Variants in ADAMTS9 observed in about 807,000 individuals in gnomAD.
ADAMTS9 encodes the protein A disintegrin and metalloproteinase with thrombospondin motifs 9.
A neutral mutation model predicts 257.1 loss-of-function variants in ADAMTS9; 107 were observed. The observed-to-expected ratio is 0.42, with a 90% confidence interval of 0.36 to 0.49. ADAMTS9 has a LOEUF of 0.49. Ranked by LOEUF, ADAMTS9 falls within the 20% of genes least tolerant of loss-of-function variation. The pLI, the probability that ADAMTS9 is intolerant of heterozygous loss-of-function variation, is 0.03. For synonymous variants in ADAMTS9, 982 were observed against 880.9 expected, an observed-to-expected ratio of 1.11 and a Z score of -2.03; for missense variants, 2,353 against 2,469.1, an observed-to-expected ratio of 0.95 and a Z score of 1.00.
intron 3 of ADAMTS9, among the ~76,000 whole-genome samples, chr3:64,674,226 T>C (rs1701568620): frequency 6.6e-6 from 1 of 152,164 alleles, no homozygotes; most frequent in African/African-American, 2.4e-5. Flanking sequence ...AGGTCATTGC[T>C]TATATTGACT....
intron 22 of ADAMTS9, among the ~76,000 whole-genome samples, chr3:64,613,119 C>T (rs924172435): frequency 4.6e-5 from 7 of 152,052 alleles, no homozygotes; most frequent in East Asian, 1.9e-4. Flanking sequence ...AAGATAGGCA[C>T]GTGGGTCTGT....
intron 4 of ADAMTS9, among the ~76,000 whole-genome samples, chr3:64,658,276 TTAAG>T (rs1308334377): frequency 4.6e-5 from 7 of 152,226 alleles, no homozygotes; most frequent in Non-Finnish European, 8.8e-5. Context: ...ATTATACCTT[TTAAG>T]TAAGAAGCAC....
chr3:64,531,309 G>C (rs1427455485), intron 38 of ADAMTS9, among the ~76,000 whole-genome samples: 1 of 152,054 alleles, frequency 6.6e-6, no homozygotes, highest in East Asian at 1.9e-4. Flanking sequence ...ATTTTGATTA[G>C]GTAGAAGTAT....
intron 37 of ADAMTS9, among the ~76,000 whole-genome samples, chr3:64,534,465 G>T (rs1014280972): frequency 6.6e-6 from 1 of 152,196 alleles, no homozygotes; most frequent in African/African-American, 2.4e-5. Flanking sequence ...CTTATTGAGA[G>T]CAGGGCCTTA....
rs769369919 is a variant in ADAMTS9 at position 64,615,496 on chromosome 3, A to AAAAT, written c.3025-15_3025-12dup. ...ACAGCTTTTTGAACACTGTAGGGAC[A>AAAAT]AAATAAATAAATAAAACTGTTGCTA... On this transcript the variant is annotated splice_polypyrimidine_tract_variant and intron_variant, in intron 20 of 39. Coordinates refer to ENST00000498707, the MANE Select transcript of ADAMTS9 (RefSeq NM_182920.2). 2 of 1,593,774 alleles carry AAAAT rather than the reference A, an allele frequency of 1.3e-6. No homozygotes were observed. Among genetic ancestry groups the AAAAT allele is most frequent in the African/African-American group, 1.4e-5 (1 of 73,702 alleles).
chr3:64,649,563 T>C (rs1559810236), intron 10 of ADAMTS9, 74 bp downstream of exon 10: 1 of 1,491,624 alleles, frequency 6.7e-7, no homozygotes, highest in Non-Finnish European at 9.0e-7. Flanking sequence ...CGAGTTAGAA[T>C]GCAATGGAAA....
chr3:64,629,060 C>T (rs1293156002), intron 16 of ADAMTS9, among the ~76,000 whole-genome samples: 1 of 152,160 alleles, frequency 6.6e-6, no homozygotes, highest in Non-Finnish European at 1.5e-5. Context: ...ACCTTTAACT[C>T]ACACACTATG....
In ADAMTS9 at chr3:64,577,674, G is replaced by A. The variant is rs932791855; in HGVS notation, c.4357-9139C>T. On this transcript the variant is annotated intron_variant, in intron 28 of 39. Coordinates refer to ENST00000498707, the MANE Select transcript of ADAMTS9 (RefSeq NM_182920.2). ...CTACCTGGAGATGTCAGTCTGCTAG[G>A]AGATGACAGTGCTGGGGCAGACCCA... Among the ~76,000 whole-genome samples, 3 of 152,044 alleles carry A rather than the reference G, an allele frequency of 2.0e-5. No homozygotes were observed. The South Asian group carries it at 6.2e-4, about 32-fold the overall frequency.
intron 4 of ADAMTS9, among the ~76,000 whole-genome samples, chr3:64,657,154 G>T (rs1433410709): frequency 6.6e-6 from 1 of 152,030 alleles, no homozygotes; most frequent in Non-Finnish European, 1.5e-5. Context: ...CCCAACAGTG[G>T]CCACCCATCA....
intron 36 of ADAMTS9, 103 bp from the exon 37 acceptor site, chr3:64,539,397 T>G: frequency 1.2e-5 from 11 of 937,558 alleles, no homozygotes; most frequent in African/African-American, 1.6e-5. Context: ...AGAAGAAGAA[T>G]AAGAGGGAAT....
At chr3:64,638,225 C>T (rs146088117) in intron 12 of ADAMTS9, among the ~76,000 whole-genome samples, 3 of 152,166 alleles carry the variant, frequency 2.0e-5, no homozygotes, top group South Asian at 2.1e-4. Context: ...GGAACTGACA[C>T]GATTTTTGTT....
chr3:64,642,130 G>A, intron 11 of ADAMTS9, 137 bp from the exon 12 acceptor site: 2 of 970,502 alleles, frequency 2.1e-6, no homozygotes, highest in Non-Finnish European at 3.1e-6. Context: ...TCATCTATAT[G>A]AATAATGGAA....
intron 10 of ADAMTS9, among the ~76,000 whole-genome samples, chr3:64,648,569 C>CTTTTAAATTTTTTCTTTAATT (rs1700853735): frequency 2.0e-5 from 3 of 152,134 alleles, no homozygotes; most frequent in Non-Finnish European, 2.9e-5. Context: ...GATTTTTTAT[C>CTTTTAAATTTTTTCTTTAATT]TTTCCTAATT....
chr3:64,654,452 G>T lies in ADAMTS9; in HGVS notation c.1217C>A (p.Ala406Asp), dbSNP rs201857914. ...GGGATCACAAATGGTTCCCAGTTCA[G>T]CCAGGCCTATTAGAAGGAAAAAAAC... ...AHDKCDTLGL[A>D]ELGTICDPYR... The change falls in exon 8 of 40, where the codon GCT becomes GAT. Residue 406 changes from alanine to aspartate, a missense_variant. Around this residue, in one of 3 missense-constraint regions of ADAMTS9, gnomAD observed 591 missense variants for 569.6 expected, o/e 1.04. Transcript: ENST00000498707. 6.2e-7 allele frequency: 1 copy of T among 1,613,892 alleles called. No homozygotes were observed. The highest frequency in any genetic ancestry group is 8.5e-7 in the Non-Finnish European group (1 of 1,179,968).
At chr3:64,681,155 C>T (rs780108050) in intron 3 of ADAMTS9, 46 bp downstream of exon 3, 2 of 1,578,434 alleles carry the variant, frequency 1.3e-6, no homozygotes, top group South Asian at 1.2e-5. Flanking sequence ...TAGCAATTTA[C>T]CCATCTCAAA....
At chr3:64,548,604 A>C (rs35444932) in intron 31 of ADAMTS9, among the ~76,000 whole-genome samples, 6 of 148,628 alleles carry the variant, frequency 4.0e-5, no homozygotes, top group East Asian at 2.1e-4. Context: ...TGTGGGGGGG[A>C]GCCCAGTGGG....
chr3:64,552,881 A>G (rs1389019602), intron 30 of ADAMTS9, among the ~76,000 whole-genome samples: 1 of 152,060 alleles, frequency 6.6e-6, no homozygotes, highest in African/African-American at 2.4e-5. Context: ...TAAAATGTCT[A>G]ATTTTAGTCT....
rs781108746 is a variant in ADAMTS9 at position 64,596,980 on chromosome 3, G to A, written c.4029C>T (p.Thr1343=). The A allele has an allele frequency of 1.2e-6, 2 of 1,613,542 alleles. No individual in the cohort carries two copies. The highest frequency in any genetic ancestry group is 1.1e-5 in the South Asian group (1 of 91,056). The change falls in exon 27 of 40, where the codon ACC becomes ACT. Residue 1343 remains threonine, a synonymous_variant. Coordinates refer to ENST00000498707, the MANE Select transcript of ADAMTS9 (RefSeq NM_182920.2). ...RTGPWGACSS[T]CAGGSQRRVV... Reference sequence around the variant, plus strand: ...CACGCCGCTGGGATCCGCCAGCACAGGTACTGGAACACTAAACACATCAGT... The same window carrying A: ...CACGCCGCTGGGATCCGCCAGCACAAGTACTGGAACACTAAACACATCAGT...
chr3:64,661,434 A>T (rs945248695), intron 3 of ADAMTS9, among the ~76,000 whole-genome samples: 1 of 152,224 alleles, frequency 6.6e-6, no homozygotes, highest in African/African-American at 2.4e-5. Flanking sequence ...TATGTATGTT[A>T]TCTTACTTAC....
Sources: allele counts gnomAD v4.1 joint callset (sites outside exome capture counted in the v4.1 genomes callset), GRCh38; gene constraint gnomAD v4.1.1; regional missense constraint gnomAD v4.1.1; transcripts MANE v1.5; gene names NCBI Gene and HGNC (gene_info 2026-07-23, HGNC 2026-07-21).